Variants in STON2 observed in about 807,000 individuals in gnomAD.
The protein encoded by STON2 is stonin-2.
STON2 carries 29 observed loss-of-function variants against 65.7 expected under a neutral mutation model. That is an observed-to-expected ratio of 0.44 (90% CI 0.33 to 0.60). The LOEUF (loss-of-function observed/expected upper bound fraction) is 0.60, where lower values mean the gene tolerates loss of function less well. STON2 is among the 20% of genes least tolerant of loss of function. The probability of loss-of-function intolerance (pLI) is 0.03; values close to 1 mark genes in which losing one functional copy is unlikely to be tolerated. For synonymous variants in STON2, 404 were observed against 414.2 expected, an observed-to-expected ratio of 0.98 and a Z score of 0.30; for missense variants, 1,054 against 1,118.1, an observed-to-expected ratio of 0.94 and a Z score of 0.82.
intron 4 of STON2, among the ~76,000 whole-genome samples, chr14:81,335,224 A>G (rs1025672302): frequency 3.9e-5 from 6 of 152,182 alleles, no homozygotes; most frequent in Admixed American, 1.3e-4. Context: ...TTATATAAAG[A>G]CTGACCAGTG....
intron 6 of STON2, among the ~76,000 whole-genome samples, chr14:81,276,093 T>C (rs1424681440): frequency 6.6e-6 from 1 of 152,194 alleles, no homozygotes; most frequent in Non-Finnish European, 1.5e-5. Context: ...CACCCAGACA[T>C]ACTCTAAGAA....
chr14:81,281,530 C>T (rs4903975), intron 5 of STON2, among the ~76,000 whole-genome samples: 149,901 of 152,316 alleles, frequency 0.98, 73,934 homozygotes, highest in Middle Eastern at 1. Context: ...TGGAGCTCAC[C>T]CTGTAGTTTA....
At chr14:81,328,588 A>AGGCT (rs1485071886) in intron 4 of STON2, among the ~76,000 whole-genome samples, 3 of 152,322 alleles carry the variant, frequency 2.0e-5, no homozygotes, top group East Asian at 3.9e-4. Flanking sequence ...CTCAAAAGAT[A>AGGCT]GGCTGATGTC....
intron 3 of STON2, among the ~76,000 whole-genome samples, chr14:81,376,872 C>T (rs1899276826): frequency 6.6e-6 from 1 of 152,108 alleles, no homozygotes; most frequent in Non-Finnish European, 1.5e-5. Context: ...TCATTATTGT[C>T]CCCCTAAGGA....
intron 5 of STON2, among the ~76,000 whole-genome samples, chr14:81,300,557 A>C (rs997560973): frequency 6.6e-6 from 1 of 152,348 alleles, no homozygotes; most frequent in Non-Finnish European, 1.5e-5. Flanking sequence ...GGCCACAACG[A>C]AACTATATAA....
intron 5 of STON2, 176 bp downstream of exon 5, chr14:81,323,828 ATCGGGTTACAACT>A (rs1896906896): frequency 6.6e-6 from 1 of 152,240 alleles, no homozygotes; most frequent in Non-Finnish European, 1.5e-5. Flanking sequence ...AGGCCAGGCT[ATCGGGTTACAACT>A]TCTAATAAAC....
chr14:81,305,987 C>A (rs901401261), intron 5 of STON2, among the ~76,000 whole-genome samples: 1 of 151,940 alleles, frequency 6.6e-6, no homozygotes, highest in African/African-American at 2.4e-5. Context: ...TCCTTGCCAG[C>A]GACCCAAGAG....
chr14:81,349,367 T>C (rs1190617810), intron 4 of STON2, among the ~76,000 whole-genome samples: 2 of 152,012 alleles, frequency 1.3e-5, no homozygotes, highest in Admixed American at 6.6e-5. Flanking sequence ...CTCGCATATA[T>C]TAGGATATCA....
At chr14:81,396,809 A>G (rs1900348081) in intron 2 of STON2, among the ~76,000 whole-genome samples, 1 of 152,154 alleles carries the variant, frequency 6.6e-6, no homozygotes, top group Non-Finnish European at 1.5e-5. Context: ...CTATAATCCC[A>G]ACACTTTGGG....
chr14:81,353,729 C>T (rs901299855), intron 4 of STON2, among the ~76,000 whole-genome samples: 5 of 152,142 alleles, frequency 3.3e-5, no homozygotes, highest in Non-Finnish European at 7.3e-5. Flanking sequence ...CATTTCACAC[C>T]TCCACCAAGA....
At position 81,278,541 on chromosome 14, in the gene STON2, G is replaced by A. The variant is rs903386098; in HGVS notation, c.941C>T (p.Pro314Leu). ...TACATCTGGGATCACAGATGCACTT[G>A]GTGGTGTATTTGGCTTCAGAGGAGA... is the stretch of plus-strand genomic sequence containing the variant. ...VTSPLKPNTP[P>L]SASVIPDVPY... is the part of the protein sequence containing the mutation. Residue 314 changes from proline (P) to leucine (L), a missense_variant, in exon 6 of 8, where the codon CCA (proline) becomes CTA (leucine). Physicochemically the swap from Pro to Leu is moderately conservative, Grantham distance 98. Transcript: ENST00000614646. The A allele has an allele frequency of 4.3e-6, 7 of 1,613,244 alleles. No homozygotes were observed. Among genetic ancestry groups the A allele is most frequent in the Non-Finnish European group, 5.9e-6 (7 of 1,179,540 alleles).
At chr14:81,357,759 G>A (rs1171135895) in intron 4 of STON2, among the ~76,000 whole-genome samples, 4 of 151,978 alleles carry the variant, frequency 2.6e-5, no homozygotes, top group South Asian at 2.1e-4. Context: ...GAAATTGGAA[G>A]TCATCATTCT....
chr14:81,372,473 T>A (rs1017167440), intron 3 of STON2, among the ~76,000 whole-genome samples: 1 of 151,048 alleles, frequency 6.6e-6, no homozygotes, highest in Non-Finnish European at 1.5e-5. Context: ...AAGAACCGCT[T>A]GAACCCAGGA....
At chr14:81,323,183 G>T (rs1896881692) in intron 5 of STON2, among the ~76,000 whole-genome samples, 2 of 152,112 alleles carry the variant, frequency 1.3e-5, no homozygotes, top group Admixed American at 1.3e-4. Context: ...GCAATCAACG[G>T]CTTGTGTTTA....
At chr14:81,393,928 G>A (rs1283469994) in intron 3 of STON2, among the ~76,000 whole-genome samples, 1 of 152,216 alleles carries the variant, frequency 6.6e-6, no homozygotes, top group Non-Finnish European at 1.5e-5. Flanking sequence ...AGTGGCTCAC[G>A]CCTGTAATCC....
At chr14:81,393,537 A>G (rs1338090510) in intron 3 of STON2, among the ~76,000 whole-genome samples, 3 of 152,162 alleles carry the variant, frequency 2.0e-5, no homozygotes, top group Non-Finnish European at 4.4e-5. Flanking sequence ...CTAGCACACA[A>G]TCTTGGTTGA....
intron 3 of STON2, among the ~76,000 whole-genome samples, chr14:81,387,744 T>C (rs1341478789): frequency 6.7e-6 from 1 of 150,372 alleles, no homozygotes; most frequent in East Asian, 2.1e-4. Flanking sequence ...ATACAAAAAT[T>C]AGCCAGGCAT....
At chr14:81,310,262 T>C (rs1896371816) in intron 5 of STON2, among the ~76,000 whole-genome samples, 2 of 152,208 alleles carry the variant, frequency 1.3e-5, no homozygotes, top group South Asian at 4.1e-4. Flanking sequence ...ATAAAATGTA[T>C]GTAAATATAG....
At chr14:81,268,672 A>C (rs1002813344) in intron 7 of STON2, 175 bp from the exon 8 acceptor site, 25 of 981,692 alleles carry the variant, frequency 2.5e-5, no homozygotes, top group African/African-American at 3.5e-5. Context: ...CTCTCTTTGC[A>C]CATGTTCTTT....
Sources: gnomAD v4.1 joint callset for allele counts (sites outside exome capture counted in the v4.1 genomes callset) on GRCh38, gnomAD v4.1.1 for gene constraint, MANE v1.5 for transcripts, NCBI Gene and HGNC (gene_info 2026-07-23, HGNC 2026-07-21) for gene names.